Variants in EXOC4 observed in about 807,000 individuals in gnomAD.
EXOC4 encodes the protein exocyst complex component 4, also known as SEC8-like 1.
A neutral mutation model predicts 107.2 loss-of-function variants in EXOC4; 71 were observed. That is an observed-to-expected ratio of 0.66 (90% CI 0.55 to 0.81). EXOC4 has a LOEUF of 0.81. Among genes scored for constraint, EXOC4 ranks in the 30% least tolerant of loss-of-function variants. The probability of loss-of-function intolerance (pLI) is 0.00; values close to 1 mark genes in which losing one functional copy is unlikely to be tolerated. For missense variants in EXOC4, 1,108 were observed against 1,189.6 expected, an observed-to-expected ratio of 0.93 and a Z score of 1.01; for synonymous variants, 456 against 441.2, an observed-to-expected ratio of 1.03 and a Z score of -0.42.
At chr7:133,292,801 G>C (rs1794436618) in intron 3 of EXOC4, among the ~76,000 whole-genome samples, 3 of 152,162 alleles carry the variant, frequency 2.0e-5, no homozygotes, top group Admixed American at 2.0e-4. Flanking sequence ...TCCCAGCATA[G>C]TGTAGCTCAT....
chr7:133,576,905 G>C (rs117604757), intron 9 of EXOC4: 3 of 1,279,600 alleles, frequency 2.3e-6, no homozygotes, highest in Non-Finnish European at 3.1e-6. Context: ...TAACTTGTTT[G>C]TTCTTGCTTT....
chr7:133,956,510 G>A (rs766270475), intron 14 of EXOC4, among the ~76,000 whole-genome samples: 4 of 152,224 alleles, frequency 2.6e-5, no homozygotes, highest in Non-Finnish European at 4.4e-5. Context: ...GCAATTCAGT[G>A]AGTTGACTGA....
intron 6 of EXOC4, among the ~76,000 whole-genome samples, chr7:133,356,915 G>A (rs1796033921): frequency 6.6e-6 from 1 of 152,242 alleles, no homozygotes; most frequent in African/African-American, 2.4e-5. Flanking sequence ...AGGAGGCGGA[G>A]GTTGCAGTGA....
At position 133,937,403 on chromosome 7, in the gene EXOC4, T is replaced by C. The variant is rs190142767; in HGVS notation, c.2028-488T>C. Among the ~76,000 whole-genome samples, 6 of 152,342 alleles carry C rather than the reference T, an allele frequency of 3.9e-5. No homozygotes were observed. In the East Asian group the frequency reaches 1.2e-3, roughly 29 times the overall value. The stretch of plus-strand genomic sequence containing the variant: ...AATGAAGCCTGTCATCCATCTCAGT[T>C]GTAACCTCCTCTTTTAAAGAGGCTG... On this transcript the variant is annotated intron_variant, in intron 13 of 17. Coordinates refer to ENST00000253861, the MANE Select transcript of EXOC4 (RefSeq NM_021807.4).
chr7:133,966,132 TAA>T (rs1801060234), intron 14 of EXOC4, among the ~76,000 whole-genome samples: 1 of 152,208 alleles, frequency 6.6e-6, no homozygotes, highest in Non-Finnish European at 1.5e-5. Context: ...TGTTTGTCAT[TAA>T]TGGTGTATAG....
chr7:133,790,066 G>C (rs1015226880), intron 10 of EXOC4, among the ~76,000 whole-genome samples: 3 of 152,154 alleles, frequency 2.0e-5, no homozygotes, highest in African/African-American at 7.2e-5. Flanking sequence ...GCTGCTTCCA[G>C]CCTCGTAAAT....
At chr7:134,059,049 C>T (rs1022707622) in intron 17 of EXOC4, among the ~76,000 whole-genome samples, 1 of 152,140 alleles carries the variant, frequency 6.6e-6, no homozygotes, top group Non-Finnish European at 1.5e-5. Context: ...GGATCTAGGA[C>T]TCTGAATTCT....
intron 11 of EXOC4, among the ~76,000 whole-genome samples, chr7:133,838,742 G>A (rs560607325): frequency 6.6e-6 from 1 of 152,292 alleles, no homozygotes; most frequent in African/African-American, 2.4e-5. Flanking sequence ...TCTGAATAGA[G>A]CCAGAAAGTT....
Position 133,416,041 on chromosome 7 carries a change from T to TA in EXOC4, c.1182+41045dup, listed in dbSNP as rs573398402. ...CAGAGAGGGAGCAAATGTAGTTAAA[T>TA]AAAAAACAACAAAACTTTATATTTG... On this transcript the variant is annotated intron_variant, in intron 7 of 17. Coordinates refer to ENST00000253861, the MANE Select transcript of EXOC4 (RefSeq NM_021807.4). Among the ~76,000 whole-genome samples, 143 of 152,262 alleles carry TA rather than the reference T, an allele frequency of 9.4e-4. 1 individual carries two copies. The highest frequency in any genetic ancestry group is 2.6e-3 in the Admixed American group (40 of 15,288).
chr7:133,656,678 G>A (rs1413181718), intron 10 of EXOC4, among the ~76,000 whole-genome samples: 5 of 152,208 alleles, frequency 3.3e-5, no homozygotes, highest in Admixed American at 1.3e-4. Flanking sequence ...ATCTTAAGCA[G>A]AAAATATTTC....
In EXOC4 at chr7:133,652,423, A is replaced by T. The variant is rs144681480; in HGVS notation, c.1514+22282A>T. Among the ~76,000 whole-genome samples, 17 of 149,432 alleles carry T rather than the reference A, an allele frequency of 1.1e-4. No homozygotes were observed. The East Asian group carries it at 3.0e-3, about 26-fold the overall frequency. On this transcript the variant is annotated intron_variant, in intron 10 of 17. Coordinates refer to ENST00000253861, the MANE Select transcript of EXOC4 (RefSeq NM_021807.4). ...ATGTAGAGATTATAGTGCTTTATTTACTAAACACAGCAATATTTTTTTTTT... is the reference window on the plus strand; with the variant it reads ...ATGTAGAGATTATAGTGCTTTATTTTCTAAACACAGCAATATTTTTTTTTT...
chr7:133,696,083 C>T (rs867055330), intron 10 of EXOC4, among the ~76,000 whole-genome samples: 5 of 152,174 alleles, frequency 3.3e-5, no homozygotes, highest in South Asian at 2.1e-4. Context: ...AAGTATGCCC[C>T]GGCTGGCAAA....
intron 14 of EXOC4, among the ~76,000 whole-genome samples, chr7:133,972,861 C>T (rs1303706840): frequency 1.3e-5 from 2 of 152,134 alleles, no homozygotes; most frequent in Non-Finnish European, 2.9e-5. Context: ...CTGGGTCTGT[C>T]CCCTGTGTCA....
chr7:133,812,386 G>C lies in EXOC4; in HGVS notation c.1515-4939G>C, dbSNP rs534253956. 1.4e-4 allele frequency among the ~76,000 whole-genome samples: 21 copies of C among 152,256 alleles called. 1 individual carries two copies. The highest frequency in any genetic ancestry group is 8.5e-4 in the Admixed American group (13 of 15,288). On this transcript the variant is annotated intron_variant, in intron 10 of 17. Transcript: ENST00000253861. ...GAAGACACAAGTAAAGCCAAGAGAG[G>C]CTAAGTAACCTGCTCGAGACTGTGC...
At chr7:133,481,501 A>G (rs1799156906) in intron 9 of EXOC4, among the ~76,000 whole-genome samples, 1 of 152,174 alleles carries the variant, frequency 6.6e-6, no homozygotes, top group Non-Finnish European at 1.5e-5. Context: ...TGAAGTAACC[A>G]CTCAACCTTT....
downstream of EXOC4, among the ~76,000 whole-genome samples, chr7:134,068,402 A>G (rs1796214989): frequency 6.6e-6 from 1 of 152,164 alleles, no homozygotes; most frequent in Non-Finnish European, 1.5e-5. Flanking sequence ...TATAAAGGGC[A>G]GTTCTCCCAC....
intron 7 of EXOC4, among the ~76,000 whole-genome samples, chr7:133,386,982 A>G (rs1311873953): frequency 6.6e-6 from 1 of 152,188 alleles, no homozygotes; most frequent in Non-Finnish European, 1.5e-5. Flanking sequence ...CTGGTTGATG[A>G]AGTCTTCTGG....
chr7:133,857,168 A>ACG (rs1416157167), intron 11 of EXOC4, among the ~76,000 whole-genome samples: 2 of 13,370 alleles, frequency 1.5e-4, no homozygotes, highest in Admixed American at 8.3e-4. Context: ...ATATATATAT[A>ACG]TATATATATA....
intron 12 of EXOC4, among the ~76,000 whole-genome samples, chr7:133,911,552 G>C (rs899921971): frequency 6.6e-6 from 1 of 152,140 alleles, no homozygotes; most frequent in Non-Finnish European, 1.5e-5. Flanking sequence ...TGGGATCGAT[G>C]CATATTAGAG....
Sources: allele counts gnomAD v4.1 joint callset (sites outside exome capture counted in the v4.1 genomes callset), GRCh38; gene constraint gnomAD v4.1.1; transcripts MANE v1.5; gene names NCBI Gene and HGNC (gene_info 2026-07-23, HGNC 2026-07-21).